TANC2: variants seen among roughly 807,000 people sequenced by gnomAD.
The protein encoded by TANC2 is protein TANC2.
Under a neutral mutation model 210.5 loss-of-function variants are expected in TANC2, and 26 were observed. The ratio of observed to expected loss-of-function variants is 0.12; its 90% confidence interval spans 0.09 to 0.17. The LOEUF (loss-of-function observed/expected upper bound fraction) is 0.17. Among genes scored for constraint, TANC2 ranks in the 10% least tolerant of loss-of-function variants. The pLI is 1.00. For missense variants in TANC2, 2,129 were observed against 2,608.9 expected (o/e 0.82, Z 4.01); for synonymous variants, 931 against 967.1 (o/e 0.96, Z 0.69).
intron 14 of TANC2, 100 bp downstream of exon 14, chr17:63,355,490 A>G: frequency 3.1e-6 from 4 of 1,279,344 alleles, no homozygotes; most frequent in Non-Finnish European, 4.2e-6. Flanking sequence ...TGAACATTTC[A>G]CATAGAAGAG....
exon 8 of TANC2, chr17:63,237,976 A>G (rs757656357): frequency 1.6e-5 from 25 of 1,583,698 alleles, no homozygotes; most frequent in South Asian, 3.5e-5. Context: ...GCTTCCACCT[A>G]TAGTCTGAAT....
chr17:63,349,806 C>G (rs544252306), intron 12 of TANC2, among the ~76,000 whole-genome samples: 18 of 152,290 alleles, frequency 1.2e-4, no homozygotes, highest in Non-Finnish European at 2.2e-4. Flanking sequence ...CACCCACCCC[C>G]CTCGTTGTTT....
intron 9 of TANC2, among the ~76,000 whole-genome samples, chr17:63,309,739 A>G (rs1481845394): frequency 6.6e-6 from 1 of 151,822 alleles, no homozygotes; most frequent in Non-Finnish European, 1.5e-5. Context: ...TTTTGAAACT[A>G]TGTATTTTTC....
chr17:63,217,680 C>A (rs182625951), intron 7 of TANC2, among the ~76,000 whole-genome samples: 1 of 152,274 alleles, frequency 6.6e-6, no homozygotes, highest in East Asian at 1.9e-4. Context: ...GATACCATTT[C>A]TACACAGACT....
At chr17:63,288,436 G>T (rs560447465) in intron 9 of TANC2, among the ~76,000 whole-genome samples, 1 of 152,204 alleles carries the variant, frequency 6.6e-6, no homozygotes, top group Non-Finnish European at 1.5e-5. Context: ...TTATGGTTCA[G>T]AATGTGGTCT....
intron 6 of TANC2, among the ~76,000 whole-genome samples, chr17:63,194,745 G>A (rs1598579932): frequency 6.6e-6 from 1 of 151,578 alleles, no homozygotes; most frequent in East Asian, 1.9e-4. Flanking sequence ...GGACTCAAAG[G>A]CTACTTAGAA....
At chr17:63,166,383 T>C (rs917225982) in intron 5 of TANC2, among the ~76,000 whole-genome samples, 2 of 152,204 alleles carry the variant, frequency 1.3e-5, no homozygotes, top group South Asian at 2.1e-4. Context: ...GTCTAAGTTA[T>C]GTACGATTAT....
chr17:63,073,985 T>C, exon 3 of TANC2: 1 of 1,589,770 alleles, frequency 6.3e-7, no homozygotes, highest in Middle Eastern at 1.7e-4. Flanking sequence ...CAGTCAAGTG[T>C]AGACTCTCGC....
chr17:63,332,156 C>T, intron 11 of TANC2: 2 of 350,544 alleles, frequency 5.7e-6, no homozygotes, highest in East Asian at 9.1e-5. Context: ...TTAAGATCAA[C>T]TTCAAAAGTT....
chr17:63,344,555 T>G lies in TANC2; in HGVS notation c.1807+4223T>G, dbSNP rs191853461. On this transcript the variant is annotated intron_variant, in intron 12 of 27. Coordinates refer to ENST00000689528, the Ensembl canonical transcript of TANC2. ...AATATTGGAAAGGAAGAAGTAAAAC[T>G]GTCTTTATTTGCAGACAACATAATT... Among the ~76,000 whole-genome samples, 588 of 152,260 alleles carry G rather than the reference T, an allele frequency of 3.9e-3. 2 individuals carry two copies. Among genetic ancestry groups the G allele is most frequent in the Non-Finnish European group, 6.6e-3 (448 of 68,024 alleles).
At chr17:63,281,679 A>G (rs1201190193) in intron 9 of TANC2, among the ~76,000 whole-genome samples, 2 of 152,120 alleles carry the variant, frequency 1.3e-5, no homozygotes, top group Admixed American at 6.6e-5. Flanking sequence ...TCCACCCAGA[A>G]TCTAAGAACG....
chr17:63,387,054 A>G (rs1214829847), intron 15 of TANC2, among the ~76,000 whole-genome samples: 1 of 151,980 alleles, frequency 6.6e-6, no homozygotes. Context: ...TAGTCTCCCT[A>G]CATTTCCCTG....
chr17:62,969,586 G>A (rs1448046499), intron 1 of TANC2, among the ~76,000 whole-genome samples: 2 of 152,218 alleles, frequency 1.3e-5, no homozygotes, highest in African/African-American at 4.8e-5. Flanking sequence ...GGGATTATGC[G>A]TAGAGGAGTA....
intron 5 of TANC2, among the ~76,000 whole-genome samples, chr17:63,163,130 G>A (rs1327397472): frequency 6.6e-6 from 1 of 151,746 alleles, no homozygotes; most frequent in African/African-American, 2.4e-5. Flanking sequence ...AGAACATGAG[G>A]GGTGAAGGAC....
At chr17:63,307,483 C>G (rs2044959163) in intron 9 of TANC2, among the ~76,000 whole-genome samples, 1 of 152,158 alleles carries the variant, frequency 6.6e-6, no homozygotes, top group African/African-American at 2.4e-5. Flanking sequence ...GATATTCAGA[C>G]CTTCATCCTA....
chr17:63,212,157 G>T (rs571444056), intron 7 of TANC2, among the ~76,000 whole-genome samples: 16 of 152,212 alleles, frequency 1.1e-4, no homozygotes, highest in African/African-American at 3.9e-4. Flanking sequence ...GTGATAGTTT[G>T]CTGAGAACAC....
chr17:63,412,949 T>A lies in TANC2; in HGVS notation c.3928+240T>A, dbSNP rs1410329319. On this transcript the variant is annotated intron_variant, in intron 24 of 27. Coordinates refer to ENST00000689528, the Ensembl canonical transcript of TANC2. This position sits in a 1 kb window ranked among gnomAD's most constrained non-coding sequence, Gnocchi z 4.2. ...TTGTAAACTAATCAATTTAACCTTTTCTTTCTTTTTGTGGGTAAAGTCATC... is the reference window on the plus strand; with the variant it reads ...TTGTAAACTAATCAATTTAACCTTTACTTTCTTTTTGTGGGTAAAGTCATC... 7.2e-5 allele frequency among the ~76,000 whole-genome samples: 11 copies of A among 152,362 alleles called. No homozygotes were observed. Among genetic ancestry groups the A allele is most frequent in the Non-Finnish European group, 1.5e-5 (1 of 68,042 alleles).
intron 7 of TANC2, among the ~76,000 whole-genome samples, chr17:63,202,314 G>C (rs549369719): frequency 1.3e-5 from 2 of 152,210 alleles, no homozygotes; most frequent in South Asian, 4.2e-4. Context: ...TTTATACTCT[G>C]TGAGAAGATA....
At chr17:63,044,056 C>A (rs1263140865) in intron 2 of TANC2, among the ~76,000 whole-genome samples, 4 of 152,060 alleles carry the variant, frequency 2.6e-5, no homozygotes, top group Non-Finnish European at 5.9e-5. Context: ...CCCTTTAGTT[C>A]ATTCTCTATT....
Sources: allele counts gnomAD v4.1 joint callset (sites outside exome capture counted in the v4.1 genomes callset), GRCh38; gene constraint gnomAD v4.1.1; non-coding constraint Gnocchi (gnomAD v3.1); transcripts MANE v1.5; gene names NCBI Gene and HGNC (gene_info 2026-07-23, HGNC 2026-07-21).